The following EBF1 variants were observed in gnomAD, a reference collection of about 807,000 sequenced individuals.
EBF1 encodes the protein transcription factor COE1.
A neutral mutation model predicts 68.4 loss-of-function variants in EBF1; 10 were observed. The observed-to-expected ratio is 0.15, with a 90% CI of 0.09 to 0.25. EBF1 has a LOEUF of 0.25. EBF1 is among the 10% of genes least tolerant of loss of function. EBF1 has a pLI of 1.00. For missense variants in EBF1, 509 were observed against 794.4 expected, an observed-to-expected ratio of 0.64 and a Z score of 4.32; for synonymous variants, 298 against 299.8, an observed-to-expected ratio of 0.99 and a Z score of 0.06.
At chr5:159,043,004 A>G (rs1051429419) in intron 6 of EBF1, among the ~76,000 whole-genome samples, 2 of 152,212 alleles carry the variant, frequency 1.3e-5, no homozygotes, top group Non-Finnish European at 2.9e-5. Flanking sequence ...ATATTTTATC[A>G]TAGGTGAAAT....
At chr5:158,817,387 G>C (rs1783969119) in intron 8 of EBF1, among the ~76,000 whole-genome samples, 1 of 152,052 alleles carries the variant, frequency 6.6e-6, no homozygotes, top group Non-Finnish European at 1.5e-5. Flanking sequence ...AGGTCATGGG[G>C]GCTCTACCTT....
intron 6 of EBF1, among the ~76,000 whole-genome samples, chr5:159,065,670 C>T (rs959947540): frequency 2.0e-5 from 3 of 151,742 alleles, no homozygotes; most frequent in Non-Finnish European, 4.4e-5. Context: ...CCCACCACAA[C>T]CTTTACATGA....
intron 6 of EBF1, among the ~76,000 whole-genome samples, chr5:159,040,488 AT>A (rs1201278917): frequency 6.6e-6 from 1 of 152,152 alleles, no homozygotes; most frequent in African/African-American, 2.4e-5. Context: ...TTAATCTTTC[AT>A]TTTAGTTTCG....
chr5:159,090,791 T>C lies in EBF1; in HGVS notation c.411+4829A>G, dbSNP rs986917656. 2.5e-4 allele frequency among the ~76,000 whole-genome samples: 38 copies of C among 149,580 alleles called. 1 individual carries two copies. The highest frequency in any genetic ancestry group is 1.5e-5 in the Non-Finnish European group (1 of 67,314). Reference sequence around the variant, plus strand: ...CCTACATTAGTAAATACAATTGGCTTTGTCAACCCAATGGGGTAATAATAA... The same window carrying C: ...CCTACATTAGTAAATACAATTGGCTCTGTCAACCCAATGGGGTAATAATAA... On this transcript the variant is annotated intron_variant, in intron 4 of 15. Coordinates refer to ENST00000313708, the MANE Select transcript of EBF1 (RefSeq NM_024007.5).
intron 7 of EBF1, among the ~76,000 whole-genome samples, chr5:158,836,894 A>G (rs1788937966): frequency 1.3e-5 from 2 of 152,146 alleles, no homozygotes; most frequent in Admixed American, 6.5e-5. Context: ...AGCTGCCCCT[A>G]TTGATCTATT....
At chr5:158,726,554 A>T (rs1377728604) in intron 11 of EBF1, among the ~76,000 whole-genome samples, 1 of 152,238 alleles carries the variant, frequency 6.6e-6, no homozygotes, top group Non-Finnish European at 1.5e-5. Context: ...CAGCTCCATA[A>T]AGCAAAATAC....
In EBF1 at chr5:159,065,927, C is replaced by T. The variant is rs73818928; in HGVS notation, c.554+7469G>A. ...GGGCCTCTGTCAGTCCTTTTTCCCC[C>T]TTTATATTTCATGAGGAGCCCCCCA... On this transcript the variant is annotated intron_variant, in intron 6 of 15. Coordinates refer to ENST00000313708, the MANE Select transcript of EBF1 (RefSeq NM_024007.5). 5.8e-3 allele frequency among the ~76,000 whole-genome samples: 880 copies of T among 152,176 alleles called. 8 individuals are homozygous for T. Among genetic ancestry groups the T allele is most frequent in the African/African-American group, 0.02 (845 of 41,512 alleles).
chr5:158,707,008 T>C (rs906593502), intron 15 of EBF1, among the ~76,000 whole-genome samples: 1 of 152,250 alleles, frequency 6.6e-6, no homozygotes. Context: ...GCTATGTCTC[T>C]TTTAGCACCT....
chr5:158,709,335 T>C lies in EBF1; in HGVS notation c.1550-1162A>G, dbSNP rs548369587. ...CGGGGCCTATCACATATATTTTTTT[T>C]TTTTTACAACCGAGGAAGTGAAGCA... On this transcript the variant is annotated intron_variant, in intron 14 of 15. Coordinates refer to ENST00000313708, the MANE Select transcript of EBF1 (RefSeq NM_024007.5). 1.3e-4 allele frequency among the ~76,000 whole-genome samples: 20 copies of C among 152,286 alleles called. No homozygotes were observed. The South Asian group carries it at 3.1e-3, about 24-fold the overall frequency.
chr5:158,888,275 C>CGT, intron 6 of EBF1, among the ~76,000 whole-genome samples: 1 of 151,328 alleles, frequency 6.6e-6, no homozygotes, highest in Non-Finnish European at 1.5e-5. Context: ...TGTGTGCGTG[C>CGT]GTGTGTGTGT....
chr5:158,973,896 C>A (rs1245801909), intron 6 of EBF1, among the ~76,000 whole-genome samples: 1 of 152,182 alleles, frequency 6.6e-6, no homozygotes, highest in Non-Finnish European at 1.5e-5. Flanking sequence ...CCTCTCCCCA[C>A]CTGGGCCAGC....
intron 10 of EBF1, among the ~76,000 whole-genome samples, chr5:158,733,151 G>A (rs1271308484): frequency 1.3e-5 from 2 of 152,148 alleles, no homozygotes; most frequent in Non-Finnish European, 2.9e-5. Flanking sequence ...AGAGAGACAG[G>A]AATGAGCACC....
chr5:158,803,336 A>G (rs1054472378), intron 8 of EBF1, among the ~76,000 whole-genome samples: 1 of 144,084 alleles, frequency 6.9e-6, no homozygotes, highest in Non-Finnish European at 1.5e-5. Flanking sequence ...CTCGATCTGA[A>G]TGCTTGTTTT....
At chr5:158,968,111 T>A (rs73816851) in intron 6 of EBF1, among the ~76,000 whole-genome samples, 3,458 of 152,218 alleles carry the variant, frequency 0.023, 51 homozygotes, top group East Asian at 0.047. Context: ...TATAAATTAG[T>A]TCTAGATGTC....
rs183747387 is a variant in EBF1, at chr5:158,915,227, A to T, written c.555-75117T>A. Among the ~76,000 whole-genome samples, 208 of 152,332 alleles carry T rather than the reference A, an allele frequency of 1.4e-3. 4 individuals are homozygous for T. The highest frequency in any genetic ancestry group is 0.011 in the Admixed American group (164 of 15,300). On this transcript the variant is annotated intron_variant, in intron 6 of 15. Transcript: ENST00000313708. ...GGGACAGCCTCGGAGGGCGATGGGC[A>T]GCCACCGGGATGATGATCTTTCCAA...
At chr5:158,758,719 C>T (rs537478384) in intron 10 of EBF1, among the ~76,000 whole-genome samples, 1 of 152,218 alleles carries the variant, frequency 6.6e-6, no homozygotes, top group South Asian at 2.1e-4. Flanking sequence ...TATATTTATT[C>T]AAACTGAGAT....
At chr5:158,855,835 C>T (rs551661942) in intron 6 of EBF1, among the ~76,000 whole-genome samples, 159 of 152,302 alleles carry the variant, frequency 1.0e-3, no homozygotes, top group African/African-American at 3.7e-3. Context: ...ACAAATCCTG[C>T]CCCAGCAATA....
At position 158,777,474 on chromosome 5, in the gene EBF1, G is replaced by A. The variant is rs1775525103; in HGVS notation, c.975C>T (p.Val325=). The stretch of plus-strand genomic sequence containing the variant: ...ACTGCTTAGATTTGTAGGACAGTGT[G>A]ACTTCCACAACACCAGGGATGTGCC... ...PPRHIPGVVE[V]TLSYKSKQFC... Residue 325 remains valine (V), a synonymous_variant, in exon 10 of 16, where the codon GTC becomes GTT. Transcript: ENST00000313708. 1 of 1,612,954 alleles carries A rather than the reference G, an allele frequency of 6.2e-7. No individual in the cohort carries two copies. The highest frequency in any genetic ancestry group is 1.3e-5 in the African/African-American group (1 of 74,852).
At chr5:158,821,583 A>G (rs1025990860) in intron 8 of EBF1, among the ~76,000 whole-genome samples, 3 of 152,166 alleles carry the variant, frequency 2.0e-5, no homozygotes, top group African/African-American at 7.2e-5. Context: ...CATAACTTCA[A>G]TCCTTAAGCA....
Sources: gnomAD v4.1 joint callset for allele counts (sites outside exome capture counted in the v4.1 genomes callset) on GRCh38, gnomAD v4.1.1 for gene constraint, MANE v1.5 for transcripts, NCBI Gene and HGNC (gene_info 2026-07-23, HGNC 2026-07-21) for gene names.